Variants in CSMD1 observed in about 807,000 individuals in gnomAD.
CSMD1 encodes the protein CUB and Sushi multiple domains 1.
CSMD1 carries 213 observed loss-of-function variants against 417.5 expected under a neutral mutation model. The observed-to-expected ratio is 0.51, with a 90% CI of 0.46 to 0.57. The LOEUF (loss-of-function observed/expected upper bound fraction) is 0.57. CSMD1 is among the 20% of genes least tolerant of loss of function. The pLI, the probability that CSMD1 is intolerant of heterozygous loss-of-function variation, is 0.00. For synonymous variants in CSMD1, 2,862 were observed against 1,736.8 expected (o/e 1.65, Z -16.11); for missense variants, 6,923 against 4,529.7 (o/e 1.53, Z -15.17).
At chr8:3,492,442 C>G (rs1166173137) in intron 11 of CSMD1, among the ~76,000 whole-genome samples, 1 of 152,314 alleles carries the variant, frequency 6.6e-6, no homozygotes, top group East Asian at 1.9e-4. Context: ...AGGTGAACAC[C>G]TGCAGAACAC....
intron 37 of CSMD1, among the ~76,000 whole-genome samples, chr8:3,177,683 T>G (rs181766404): frequency 6.6e-6 from 1 of 152,078 alleles, no homozygotes; most frequent in Admixed American, 6.5e-5. Context: ...ATAGAAACAC[T>G]CCAGTCTCGG....
chr8:3,508,273 C>A (rs1474613934), intron 10 of CSMD1, among the ~76,000 whole-genome samples: 2 of 151,642 alleles, frequency 1.3e-5, no homozygotes, highest in Admixed American at 1.3e-4. Flanking sequence ...AGACATAGAT[C>A]CTGGCTCACC....
intron 7 of CSMD1, among the ~76,000 whole-genome samples, chr8:3,668,670 G>T (rs139665645): frequency 6.6e-6 from 1 of 152,152 alleles, no homozygotes; most frequent in Non-Finnish European, 1.5e-5. Context: ...AGTCTGAGGT[G>T]TCCAGAGATC....
chr8:3,225,846 T>C (rs1798471024), intron 27 of CSMD1, among the ~76,000 whole-genome samples: 1 of 152,204 alleles, frequency 6.6e-6, no homozygotes. Flanking sequence ...TTTAATTAGC[T>C]TGCAAAATAT....
chr8:2,979,007 G>A (rs745691941), intron 54 of CSMD1, among the ~76,000 whole-genome samples: 8 of 152,140 alleles, frequency 5.3e-5, no homozygotes, highest in Non-Finnish European at 7.4e-5. Flanking sequence ...GGTCGACCAC[G>A]ATAGCAATTT....
At position 3,787,317 on chromosome 8, in the gene CSMD1, T is replaced by A. The variant is rs543428867; in HGVS notation, c.819-33275A>T. On this transcript the variant is annotated intron_variant, in intron 5 of 69. Coordinates refer to ENST00000635120, the MANE Select transcript of CSMD1 (RefSeq NM_033225.6). ...AAATTGATTTCATGGATATTTAAAT[T>A]GGAAAGCTATAGAGAAAACAGTTCA... Among the ~76,000 whole-genome samples the A allele has an allele frequency of 5.3e-5, 8 of 152,154 alleles. No individual in the cohort carries two copies. In the South Asian group the frequency reaches 1.7e-3, roughly 32 times the overall value.
intron 1 of CSMD1, among the ~76,000 whole-genome samples, chr8:4,758,899 C>A (rs747615662): frequency 1.3e-5 from 2 of 152,168 alleles, no homozygotes; most frequent in Non-Finnish European, 2.9e-5. Flanking sequence ...AAAGCTTAAC[C>A]ACATCATTCA....
chr8:4,621,159 T>A (rs9650517), intron 2 of CSMD1, among the ~76,000 whole-genome samples: 3 of 152,072 alleles, frequency 2.0e-5, no homozygotes, highest in Non-Finnish European at 4.4e-5. Context: ...TTTTCGAATT[T>A]TGGAATATAT....
chr8:4,279,681 C>G (rs1052160847), intron 3 of CSMD1, among the ~76,000 whole-genome samples: 1 of 152,106 alleles, frequency 6.6e-6, no homozygotes, highest in African/African-American at 2.4e-5. Context: ...TATAATTAGC[C>G]AACTTTGAAT....
At chr8:3,789,722 GTTAATTT>G (rs1799627913) in intron 5 of CSMD1, among the ~76,000 whole-genome samples, 1 of 134,310 alleles carries the variant, frequency 7.4e-6, no homozygotes, top group African/African-American at 2.9e-5. Flanking sequence ...AATGATCATG[GTTAATTT>G]TTTTTTTTTT....
rs1796535580 is a variant in CSMD1 at position 4,770,323 on chromosome 8, T to C, written c.86-132765A>G. On this transcript the variant is annotated intron_variant, in intron 1 of 69. Transcript: ENST00000635120. ...ATTATATATAATTAGCAACTATATA[T>C]GTACATAGAAATATATATATAATAT... 3.4e-5 allele frequency among the ~76,000 whole-genome samples: 5 copies of C among 148,358 alleles called. No homozygotes were observed. In the South Asian group the frequency reaches 1.0e-3, roughly 31 times the overall value.
At chr8:3,375,561 T>C (rs1026932641) in intron 18 of CSMD1, among the ~76,000 whole-genome samples, 64 of 152,106 alleles carry the variant, frequency 4.2e-4, no homozygotes, top group Non-Finnish European at 5.1e-4. Flanking sequence ...ATTATATATA[T>C]TTTTATGAAT....
chr8:3,704,545 G>T (rs1378029569), intron 7 of CSMD1, among the ~76,000 whole-genome samples: 2 of 152,242 alleles, frequency 1.3e-5, no homozygotes, highest in East Asian at 1.9e-4. Context: ...GAGATAAGAG[G>T]AGTTTCTCAT....
intron 1 of CSMD1, among the ~76,000 whole-genome samples, chr8:4,907,777 G>T (rs762045717): frequency 3.6e-4 from 54 of 151,370 alleles, no homozygotes; most frequent in Non-Finnish European, 6.6e-4. Context: ...TGTTTCCCAG[G>T]CTGCTCCGAA....
At chr8:4,583,737 A>G (rs1386110582) in intron 2 of CSMD1, among the ~76,000 whole-genome samples, 1 of 151,982 alleles carries the variant, frequency 6.6e-6, no homozygotes, top group African/African-American at 2.4e-5. Flanking sequence ...CACCCTGTCA[A>G]AACAGACCAC....
At chr8:4,177,353 G>A (rs959346424) in intron 3 of CSMD1, among the ~76,000 whole-genome samples, 5 of 151,902 alleles carry the variant, frequency 3.3e-5, no homozygotes, top group African/African-American at 4.8e-5. Context: ...CGAAATGACG[G>A]CAGAAATAAA....
intron 12 of CSMD1, among the ~76,000 whole-genome samples, chr8:3,418,722 A>G (rs192305264): frequency 1.3e-5 from 2 of 152,308 alleles, no homozygotes; most frequent in African/African-American, 4.8e-5. Context: ...ATCACAGGAC[A>G]TCTCCATTGA....
At chr8:4,991,740 A>G (rs545533924) in intron 1 of CSMD1, among the ~76,000 whole-genome samples, 49 of 152,222 alleles carry the variant, frequency 3.2e-4, no homozygotes, top group African/African-American at 1.1e-3. Context: ...AGGCAAGGGG[A>G]ACGCGACGCC....
intron 1 of CSMD1, among the ~76,000 whole-genome samples, chr8:4,937,462 G>C (rs373149646): frequency 1.3e-5 from 2 of 152,058 alleles, no homozygotes; most frequent in East Asian, 1.9e-4. Context: ...CTAAGGCAAG[G>C]TATTTTCTTA....
Sources: gnomAD v4.1 joint callset for allele counts (sites outside exome capture counted in the v4.1 genomes callset) on GRCh38, gnomAD v4.1.1 for gene constraint, MANE v1.5 for transcripts, NCBI Gene and HGNC (gene_info 2026-07-23, HGNC 2026-07-21) for gene names.